The following OCA2 variants were observed in gnomAD, a reference collection of about 807,000 sequenced individuals.
The protein encoded by OCA2 is OCA2 melanosomal transmembrane protein.
A neutral mutation model predicts 100.2 loss-of-function variants in OCA2; 77 were observed. That is an observed-to-expected ratio of 0.77 (90% CI 0.64 to 0.93). The LOEUF (loss-of-function observed/expected upper bound fraction) is 0.93. Ranked by LOEUF, OCA2 falls within the 40% of genes least tolerant of loss-of-function variation. The probability of loss-of-function intolerance (pLI) is 0.00; values close to 1 mark genes in which losing one functional copy is unlikely to be tolerated. For synonymous variants in OCA2, 432 were observed against 439.2 expected, an observed-to-expected ratio of 0.98 and a Z score of 0.21; for missense variants, 1,062 against 1,089.1, an observed-to-expected ratio of 0.98 and a Z score of 0.35.
chr15:28,076,602 C>T (rs1049333578), intron 2 of OCA2, among the ~76,000 whole-genome samples: 1 of 151,456 alleles, frequency 6.6e-6, no homozygotes, highest in Non-Finnish European at 1.5e-5. Flanking sequence ...AATCCCAGCA[C>T]TTTGGGAGGC....
At chr15:27,897,189 CAA>C (rs34697199) in intron 19 of OCA2, among the ~76,000 whole-genome samples, 4,891 of 131,262 alleles carry the variant, frequency 0.037, 275 homozygotes, top group African/African-American at 0.12. Context: ...GACTCCGTCT[CAA>C]AAAAAAAAAA....
intron 2 of OCA2, among the ~76,000 whole-genome samples, chr15:28,080,381 G>A (rs2044580889): frequency 6.6e-6 from 1 of 152,192 alleles, no homozygotes; most frequent in Non-Finnish European, 1.5e-5. Flanking sequence ...CCGCCAACAG[G>A]AGAACATGTA....
chr15:27,880,280 C>T (rs544663178), intron 19 of OCA2, among the ~76,000 whole-genome samples: 12 of 152,186 alleles, frequency 7.9e-5, no homozygotes, highest in Middle Eastern at 3.4e-3. Context: ...TGAAATTGGG[C>T]GGCATGATGC....
chr15:27,986,467 AAAG>A (rs1318028135), intron 12 of OCA2, 117 bp downstream of exon 12: 82 of 772,746 alleles, frequency 1.1e-4, no homozygotes, highest in Non-Finnish European at 1.8e-4. Flanking sequence ...GCAACCTTTA[AAAG>A]AAGGATGGAA....
chr15:28,022,399 T>G, intron 6 of OCA2, 102 bp downstream of exon 6: 1 of 741,834 alleles, frequency 1.3e-6, no homozygotes, highest in African/African-American at 2.7e-5. Flanking sequence ...GGTAATGGCC[T>G]GTGCCGTGGC....
In OCA2 at chr15:27,871,205, G is replaced by C; in HGVS notation, c.2193C>G (p.Val731=). 1.2e-6 allele frequency: 2 copies of C among 1,614,184 alleles called. No homozygotes were observed. Among genetic ancestry groups the C allele is most frequent in the Non-Finnish European group, 1.7e-6 (2 of 1,180,022 alleles). ...LIAAIVLVVW[V]SALASSLIDN... ...CAATCAGGGACGACGCCAGGGCTGA[G>C]ACCCACACCACCAGGACAATGGCGG... Residue 731 remains valine, a synonymous_variant, in exon 21 of 24, where the codon GTC becomes GTG. Coordinates refer to ENST00000354638, the MANE Select transcript of OCA2 (RefSeq NM_000275.3).
At chr15:28,053,158 CAA>C (rs1272120578) in intron 2 of OCA2, among the ~76,000 whole-genome samples, 2 of 152,144 alleles carry the variant, frequency 1.3e-5, no homozygotes, top group Non-Finnish European at 2.9e-5. Flanking sequence ...AGAAAATCAC[CAA>C]AGAGTTGGTT....
Position 27,985,316 on chromosome 15 carries a change from C to A in OCA2, c.1240-128G>T, listed in dbSNP as rs564504742. ...ATTACCCCATGGGTTAAGACATAGA[C>A]CCACGGAGTCCTAGGGGGGCCGAGA... On this transcript the variant is annotated intron_variant, in intron 12 of 23. Transcript: ENST00000354638. 1.8e-4 allele frequency: 193 copies of A among 1,093,364 alleles called. 1 individual carries two copies. The African/African-American group carries it at 2.8e-3, about 16-fold the overall frequency. The allele number at this position is 1,093,364 out of a possible 1,614,324, so 67.7% of individuals were successfully genotyped here.
chr15:27,789,212 C>CG (rs2032965903), intron 23 of OCA2, among the ~76,000 whole-genome samples: 1 of 43,834 alleles, frequency 2.3e-5, no homozygotes, highest in Non-Finnish European at 4.6e-5. Context: ...TTTTTCTGGG[C>CG]GGGGGGAGGG....
chr15:28,001,867 A>C (rs1423619284), intron 9 of OCA2, among the ~76,000 whole-genome samples: 1 of 152,234 alleles, frequency 6.6e-6, no homozygotes, highest in Non-Finnish European at 1.5e-5. Flanking sequence ...GAGGAGCCAC[A>C]GAGGCACCTG....
At position 27,975,547 on chromosome 15, in the gene OCA2, T is replaced by C. The variant is rs112611495; in HGVS notation, c.1503+7798A>G. ...GGACAATTTGTGGAAAACGCTATCT[T>C]GTCTCTGCTGACTTGGCTTTGCACC... On this transcript the variant is annotated intron_variant, in intron 14 of 23. Coordinates refer to ENST00000354638, the MANE Select transcript of OCA2 (RefSeq NM_000275.3). Among the ~76,000 whole-genome samples, 1,358 of 152,342 alleles carry C rather than the reference T, an allele frequency of 8.9e-3. 29 individuals carry two copies. The highest frequency in any genetic ancestry group is 0.03 in the African/African-American group (1,264 of 41,576).
intron 23 of OCA2, among the ~76,000 whole-genome samples, chr15:27,771,262 T>A (rs2031825765): frequency 6.7e-6 from 1 of 150,156 alleles, no homozygotes; most frequent in African/African-American, 2.5e-5. Flanking sequence ...ATCGCCCCAC[T>A]CTCCACCGCG....
chr15:28,022,001 C>G (rs2042609161), intron 6 of OCA2, among the ~76,000 whole-genome samples: 1 of 152,204 alleles, frequency 6.6e-6, no homozygotes, highest in African/African-American at 2.4e-5. Context: ...GAAGTCAAGG[C>G]ATGCTCATCT....
chr15:28,096,528 C>T (rs1284009926), intron 1 of OCA2, among the ~76,000 whole-genome samples: 1 of 152,218 alleles, frequency 6.6e-6, no homozygotes, highest in Non-Finnish European at 1.5e-5. Context: ...CAGGGGTCAG[C>T]CTCCTCCTCA....
chr15:27,761,259 G>A (rs2030812203), intron 23 of OCA2, among the ~76,000 whole-genome samples: 1 of 151,654 alleles, frequency 6.6e-6, no homozygotes, highest in South Asian at 2.1e-4. Context: ...TGCAACACAA[G>A]ATCAACATTC....
chr15:28,057,324 C>T (rs867322181), intron 2 of OCA2, among the ~76,000 whole-genome samples: 1 of 152,206 alleles, frequency 6.6e-6, no homozygotes, highest in Non-Finnish European at 1.5e-5. Flanking sequence ...ATCCAATGCT[C>T]ATGGAAATCA....
intron 23 of OCA2, among the ~76,000 whole-genome samples, chr15:27,780,069 T>C (rs564861582): frequency 6.6e-6 from 1 of 152,212 alleles, no homozygotes; most frequent in Non-Finnish European, 1.5e-5. Flanking sequence ...AGGGTGAGCA[T>C]GACTGAAAGC....
chr15:28,061,293 C>T lies in OCA2; in HGVS notation c.227+20355G>A, dbSNP rs2043865023. Among the ~76,000 whole-genome samples the T allele has an allele frequency of 2.0e-5, 3 of 152,142 alleles. No individual in the cohort carries two copies. In the South Asian group the frequency reaches 6.2e-4, roughly 32 times the overall value. On this transcript the variant is annotated intron_variant, in intron 2 of 23. Coordinates refer to ENST00000354638, the MANE Select transcript of OCA2 (RefSeq NM_000275.3). ...AGGCAGGGAGACTTAATGGTCCCAG[C>T]CCTTATTTAAGAATACCTCTGTCCA...
Position 27,957,536 on chromosome 15 carries a change from G to A in OCA2, c.1784+52C>T. 4 of 1,603,728 alleles carry A rather than the reference G, an allele frequency of 2.5e-6. No individual in the cohort carries two copies. The highest frequency in any genetic ancestry group is 2.2e-5 in the South Asian group (2 of 90,840). ...TAATGTCGCTATTTTGTAGGCCCAT[G>A]GAATGTTCTGCTGCACACCAAGCAC... On this transcript the variant is annotated intron_variant, in intron 16 of 23. Coordinates refer to ENST00000354638, the MANE Select transcript of OCA2 (RefSeq NM_000275.3). This position sits in a 1 kb window ranked among gnomAD's most constrained non-coding sequence, Gnocchi z 4.3.
Sources: gnomAD v4.1 joint callset for allele counts (sites outside exome capture counted in the v4.1 genomes callset) on GRCh38, gnomAD v4.1.1 for gene constraint, Gnocchi (gnomAD v3.1) non-coding constraint, MANE v1.5 for transcripts, NCBI Gene and HGNC (gene_info 2026-07-23, HGNC 2026-07-21) for gene names.